WIPF3: variants seen among roughly 807,000 people sequenced by gnomAD.
WIPF3 encodes WAS/WASL-interacting protein family member 3.
In WIPF3, 33 loss-of-function variants were observed where a neutral mutation model predicts 38.9. That is an observed-to-expected ratio of 0.85 (90% CI 0.64 to 1.14). The LOEUF (loss-of-function observed/expected upper bound fraction) is 1.14, where lower values mean the gene tolerates loss of function less well. Among genes scored for constraint, WIPF3 ranks in the 50% most tolerant of loss-of-function variants. The pLI is 0.00. For missense variants in WIPF3, 711 were observed against 652.5 expected, an observed-to-expected ratio of 1.09 and a Z score of -0.98; for synonymous variants, 324 against 269.3, an observed-to-expected ratio of 1.20 and a Z score of -1.99.
intron 7 of WIPF3, among the ~76,000 whole-genome samples, chr7:29,898,912 C>T (rs1283520325): frequency 6.6e-6 from 1 of 152,168 alleles, no homozygotes; most frequent in Non-Finnish European, 1.5e-5. Context: ...GATCTTTGAT[C>T]AAATGGTACC....
At chr7:29,908,256 A>G (rs1786438014) in intron 8 of WIPF3, among the ~76,000 whole-genome samples, 1 of 152,284 alleles carries the variant, frequency 6.6e-6, no homozygotes, top group East Asian at 1.9e-4. Flanking sequence ...CAAGAAACAA[A>G]AAGGACATTA....
chr7:29,873,161 A>T (rs1785528927), intron 2 of WIPF3, among the ~76,000 whole-genome samples: 1 of 152,170 alleles, frequency 6.6e-6, no homozygotes, highest in Admixed American at 6.5e-5. Flanking sequence ...TTTTGGTAAT[A>T]AACAGTCTAA....
rs185777500 is a variant in WIPF3, at chr7:29,914,464, C to T, written c.1429-29C>T. 5 of 1,484,218 alleles carry T rather than the reference C, an allele frequency of 3.4e-6. No individual in the cohort carries two copies. The East Asian group carries it at 1.1e-4, about 32-fold the overall frequency. 91.9% of individuals were successfully genotyped at this position (1,484,218 alleles called of 1,614,324 possible). On this transcript the variant is annotated intron_variant, in intron 8 of 8. Coordinates refer to ENST00000242140, the MANE Select transcript of WIPF3 (RefSeq NM_001080529.3). ...CATGTGCAAGAGTCTTCTAACTCCACCTGGTAATGTTCTGTTATGTTTCCA... is the reference window on the plus strand; with the variant it reads ...CATGTGCAAGAGTCTTCTAACTCCATCTGGTAATGTTCTGTTATGTTTCCA...
At chr7:29,828,048 G>C (rs1784651517) in intron 1 of WIPF3, among the ~76,000 whole-genome samples, 1 of 152,098 alleles carries the variant, frequency 6.6e-6, no homozygotes, top group Non-Finnish European at 1.5e-5. Flanking sequence ...ATCTACCCAT[G>C]TCGGCCTCCC....
At chr7:29,830,370 G>A (rs1784698797) in intron 1 of WIPF3, among the ~76,000 whole-genome samples, 1 of 151,944 alleles carries the variant, frequency 6.6e-6, no homozygotes, top group Non-Finnish European at 1.5e-5. Context: ...TGGAAGCAGG[G>A]ATATAACTTG....
chr7:29,815,143 C>T (rs989015334), intron 1 of WIPF3, among the ~76,000 whole-genome samples: 5 of 151,854 alleles, frequency 3.3e-5, no homozygotes, highest in Non-Finnish European at 5.9e-5. Context: ...AATAAAGTAG[C>T]GTCAGAAATA....
intron 1 of WIPF3, among the ~76,000 whole-genome samples, chr7:29,812,511 G>A (rs1429896842): frequency 2.0e-5 from 3 of 152,210 alleles, no homozygotes; most frequent in African/African-American, 7.2e-5. Context: ...TAGGCAAGAA[G>A]ACAAGGAAGG....
intron 3 of WIPF3, among the ~76,000 whole-genome samples, chr7:29,877,441 G>A (rs1026509417): frequency 2.0e-5 from 3 of 152,226 alleles, no homozygotes; most frequent in Admixed American, 6.5e-5. Flanking sequence ...TGCTGCCGTT[G>A]TCTAACAGCT....
chr7:29,914,784 C>T lies in WIPF3; in HGVS notation c.*268C>T. The T allele has an allele frequency of 3.7e-6, 1 of 267,022 alleles. No individual in the cohort carries two copies. The highest frequency in any genetic ancestry group is 7.0e-6 in the Non-Finnish European group (1 of 142,220). 16.5% of individuals were successfully genotyped at this position (267,022 alleles called of 1,614,324 possible). A position where few individuals can be genotyped will look rare whatever the true frequency, so the allele number is the denominator to read the frequency against. On this transcript the variant is annotated 3_prime_UTR_variant, in exon 9 of 9. Transcript: ENST00000242140. The stretch of plus-strand genomic sequence containing the variant: ...GCACAGATAGAGCCCTGTCCCTCCA[C>T]CTAGTGCCCACTCCATGACTGTGAA...
intron 7 of WIPF3, among the ~76,000 whole-genome samples, chr7:29,894,764 GACACACAC>G (rs34105700): frequency 3.4e-5 from 5 of 148,006 alleles, no homozygotes; most frequent in Admixed American, 6.8e-5. Flanking sequence ...CTCTCTTTCT[GACACACAC>G]ACACACACAC....
chr7:29,812,006 A>G (rs1015472681), intron 1 of WIPF3, among the ~76,000 whole-genome samples: 6 of 152,216 alleles, frequency 3.9e-5, no homozygotes, highest in African/African-American at 1.4e-4. Context: ...ATCCAGGAAA[A>G]GTCCAAAGGG....
rs550387390 is a variant in WIPF3 at position 29,900,047 on chromosome 7, C to T, written c.1352-4239C>T. ...CTGCCTCCCAGGTTCAAGTGATTCT[C>T]CTGCCTCAGCCTCTTGAGTAGCTGG... On this transcript the variant is annotated intron_variant, in intron 7 of 8. Transcript: ENST00000242140. Among the ~76,000 whole-genome samples the T allele has an allele frequency of 2.0e-3, 297 of 152,240 alleles. 4 individuals carry two copies. The highest frequency in any genetic ancestry group is 6.6e-3 in the African/African-American group (276 of 41,542).
At chr7:29,859,632 T>G (rs1785241636) in intron 2 of WIPF3, among the ~76,000 whole-genome samples, 1 of 151,988 alleles carries the variant, frequency 6.6e-6, no homozygotes, top group African/African-American at 2.4e-5. Flanking sequence ...AGACACAAGC[T>G]CCCCTGAAAT....
rs189793096 is a variant in WIPF3, at chr7:29,903,413, A to C, written c.1352-873A>C. On this transcript the variant is annotated intron_variant, in intron 7 of 8. Transcript: ENST00000242140. The stretch of plus-strand genomic sequence containing the variant: ...GTTGAACACAGGTCATTAATTGTTC[A>C]CTATTATAAATAGTCTATAATGAAC... Among the ~76,000 whole-genome samples the C allele has an allele frequency of 1.0e-3, 155 of 152,328 alleles. 1 individual carries two copies. Among genetic ancestry groups the C allele is most frequent in the Non-Finnish European group, 7.3e-4 (50 of 68,028 alleles).
At chr7:29,818,517 A>G (rs1398100571) in intron 1 of WIPF3, among the ~76,000 whole-genome samples, 2 of 148,504 alleles carry the variant, frequency 1.3e-5, no homozygotes, top group Non-Finnish European at 3.0e-5. Flanking sequence ...ATTTAATTCT[A>G]TAAATTAAAA....
intron 2 of WIPF3, among the ~76,000 whole-genome samples, chr7:29,853,301 T>C (rs578158042): frequency 6.6e-6 from 1 of 152,194 alleles, no homozygotes; most frequent in Non-Finnish European, 1.5e-5. Flanking sequence ...AACAGGCAGC[T>C]AGCCCAGAGG....
Position 29,889,333 on chromosome 7 carries a change from A to C in WIPF3, c.1277A>C (p.His426Pro). 1 of 1,613,938 alleles carries C rather than the reference A, an allele frequency of 6.2e-7. No homozygotes were observed. The highest frequency in any genetic ancestry group is 8.5e-7 in the Non-Finnish European group (1 of 1,179,886). ...GACTTCGAGTCTAAATTCACGTTCC[A>C]TTCTGTGGAAGACTTTCCCCCTCCG... Reference protein sequence around the residue: ...IDDFESKFTFHSVEDFPPPDE... With the variant: ...IDDFESKFTFPSVEDFPPPDE... Residue 426 changes from histidine to proline, a missense_variant, in exon 7 of 9, where the codon CAT becomes CCT. Coordinates refer to ENST00000242140, the MANE Select transcript of WIPF3 (RefSeq NM_001080529.3).
intron 1 of WIPF3, among the ~76,000 whole-genome samples, chr7:29,813,050 C>T (rs777514198): frequency 7.9e-5 from 12 of 152,194 alleles, no homozygotes; most frequent in South Asian, 4.1e-4. Context: ...CATTGACCAC[C>T]GCTTCCCACT....
At position 29,884,040 on chromosome 7, in the gene WIPF3, G is replaced by T; in HGVS notation, c.546G>T (p.Pro182=). Residue 182 remains proline, a synonymous_variant, in exon 5 of 9, where the codon CCG becomes CCT. Coordinates refer to ENST00000242140, the MANE Select transcript of WIPF3 (RefSeq NM_001080529.3). ...CGCCCCCTCCCACCCCACCCCCTCC[G>T]CCTCCACCCTTACCCCCGCCCCTTC... ...PAPPPPTPPP[P]PPPLPPPLPS... 3.4e-6 allele frequency: 2 copies of T among 588,042 alleles called. No homozygotes were observed. Among genetic ancestry groups the T allele is most frequent in the South Asian group, 8.2e-5 (2 of 24,374 alleles). The allele number at this position is 588,042 out of a possible 1,614,324, so 36.4% of individuals were successfully genotyped here.
Sources: gnomAD v4.1 joint callset for allele counts (sites outside exome capture counted in the v4.1 genomes callset) on GRCh38, gnomAD v4.1.1 for gene constraint, MANE v1.5 for transcripts, NCBI Gene and HGNC (gene_info 2026-07-23, HGNC 2026-07-21) for gene names.